The following PALM2AKAP2 variants were observed in gnomAD, a reference collection of about 807,000 sequenced individuals.
PALM2AKAP2 encodes the protein PALM2 and AKAP2 fusion, also known as PALM2-AKAP2 fusion protein.
In PALM2AKAP2, 37 loss-of-function variants were observed where a neutral mutation model predicts 71.5. The observed-to-expected ratio is 0.52, with a 90% CI of 0.40 to 0.68. The LOEUF is 0.68. Among genes scored for constraint, PALM2AKAP2 ranks in the 30% least tolerant of loss-of-function variants. The pLI, the probability that PALM2AKAP2 is intolerant of heterozygous loss-of-function variation, is 0.00. For synonymous variants in PALM2AKAP2, 468 were observed against 478.8 expected (o/e 0.98, Z 0.29); for missense variants, 1,224 against 1,191.8 (o/e 1.03, Z -0.40).
chr9:109,951,508 C>G (rs1484890838), intron 6 of PALM2AKAP2, among the ~76,000 whole-genome samples: 1 of 152,234 alleles, frequency 6.6e-6, no homozygotes, highest in Non-Finnish European at 1.5e-5. Flanking sequence ...ATTCTTTCCC[C>G]TTCTCACCTG....
chr9:109,705,735 T>C (rs1224668025), intron 1 of PALM2AKAP2, among the ~76,000 whole-genome samples: 2 of 152,218 alleles, frequency 1.3e-5, no homozygotes, highest in Non-Finnish European at 2.9e-5. Flanking sequence ...GGAGTCAGAC[T>C]ACTTGGGTTT....
At chr9:110,064,543 C>A (rs1288478610) in intron 1 of PALM2AKAP2, among the ~76,000 whole-genome samples, 1 of 152,130 alleles carries the variant, frequency 6.6e-6, no homozygotes, top group African/African-American at 2.4e-5. Context: ...GGAGTTCAAG[C>A]CTGTGTAGTT....
chr9:110,043,368 T>A lies in PALM2AKAP2; in HGVS notation c.582+27329T>A, dbSNP rs1051359885. Among the ~76,000 whole-genome samples, 4 of 152,344 alleles carry A rather than the reference T, an allele frequency of 2.6e-5. No homozygotes were observed. In the South Asian group the frequency reaches 8.3e-4, roughly 32 times the overall value. On this transcript the variant is annotated intron_variant, in intron 7 of 9. Transcript: ENST00000302798. ...TACTGACTCCTCCCCACCACTCTGG[T>A]CTTTCATCCAATTTGAGAGATTTTG...
intron 6 of PALM2AKAP2, among the ~76,000 whole-genome samples, chr9:110,008,789 G>A (rs1445224427): frequency 6.6e-6 from 1 of 152,096 alleles, no homozygotes. Flanking sequence ...CACTATCTAG[G>A]ATTGCCAGTT....
At chr9:110,047,729 A>T (rs896207176), upstream of PALM2AKAP2, among the ~76,000 whole-genome samples, 3 of 152,222 alleles carry the variant, frequency 2.0e-5, no homozygotes, top group Non-Finnish European at 4.4e-5. Flanking sequence ...CACCTACAGC[A>T]GAGTAAGACC....
At chr9:109,859,971 G>A (rs745377978) in intron 1 of PALM2AKAP2, among the ~76,000 whole-genome samples, 1 of 152,156 alleles carries the variant, frequency 6.6e-6, no homozygotes, top group African/African-American at 2.4e-5. Context: ...ACACTGCAGG[G>A]GTCTTAGCAA....
At chr9:109,930,371 G>A (rs375006426) in intron 5 of PALM2AKAP2, among the ~76,000 whole-genome samples, 4 of 152,062 alleles carry the variant, frequency 2.6e-5, no homozygotes, top group East Asian at 1.9e-4. Context: ...GACTACAGGT[G>A]CATGCCACCA....
chr9:110,096,165 T>C (rs1834830682), intron 1 of PALM2AKAP2, among the ~76,000 whole-genome samples: 2 of 152,254 alleles, frequency 1.3e-5, no homozygotes. Flanking sequence ...CAAAGGCCTC[T>C]GGCTCTGGTG....
chr9:109,858,023 A>G (rs957556556), intron 1 of PALM2AKAP2, among the ~76,000 whole-genome samples: 1 of 152,274 alleles, frequency 6.6e-6, no homozygotes, highest in Non-Finnish European at 1.5e-5. Context: ...CGTGCTAGGT[A>G]GAAAGGAAGC....
intron 3 of PALM2AKAP2, among the ~76,000 whole-genome samples, chr9:109,903,738 C>G (rs555212755): frequency 2.0e-4 from 31 of 152,206 alleles, no homozygotes; most frequent in African/African-American, 5.3e-4. Context: ...CTAGATGGCC[C>G]TCCATGTGCA....
chr9:109,768,890 T>C (rs1164882603), intron 1 of PALM2AKAP2, among the ~76,000 whole-genome samples: 2 of 152,154 alleles, frequency 1.3e-5, no homozygotes, highest in Non-Finnish European at 2.9e-5. Flanking sequence ...GAGGCCAAGG[T>C]GGGAGGATTG....
intron 6 of PALM2AKAP2, among the ~76,000 whole-genome samples, chr9:109,984,296 T>G (rs1425363049): frequency 6.6e-6 from 1 of 152,162 alleles, no homozygotes; most frequent in Non-Finnish European, 1.5e-5. Flanking sequence ...ATATTTTATT[T>G]CCATAGAAAA....
rs549183325 is a variant in PALM2AKAP2 at position 109,832,928 on chromosome 9, T to G, written c.46-34563T>G. Among the ~76,000 whole-genome samples, 3 of 152,332 alleles carry G rather than the reference T, an allele frequency of 2.0e-5. No individual in the cohort carries two copies. The South Asian group carries it at 6.2e-4, about 32-fold the overall frequency. ...ATGGTTGCACTTGGACATATACTACTCTAGGCCTTTGGGCTCCTTTCGTCC... is the reference window on the plus strand; with the variant it reads ...ATGGTTGCACTTGGACATATACTACGCTAGGCCTTTGGGCTCCTTTCGTCC... On this transcript the variant is annotated intron_variant, in intron 1 of 9. Transcript: ENST00000302798.
At chr9:110,084,377 A>G (rs184801426) in intron 1 of PALM2AKAP2, among the ~76,000 whole-genome samples, 1 of 152,248 alleles carries the variant, frequency 6.6e-6, no homozygotes, top group Non-Finnish European at 1.5e-5. Context: ...CCATTAAATT[A>G]TCATTCTCCA....
At chr9:110,096,569 G>T (rs1057025607) in intron 1 of PALM2AKAP2, among the ~76,000 whole-genome samples, 1 of 152,140 alleles carries the variant, frequency 6.6e-6, no homozygotes, top group Non-Finnish European at 1.5e-5. Flanking sequence ...GCCTGGCCTT[G>T]GCTCTTTCTT....
At chr9:109,869,875 G>A (rs1389477779) in intron 2 of PALM2AKAP2, among the ~76,000 whole-genome samples, 2 of 152,214 alleles carry the variant, frequency 1.3e-5, no homozygotes, top group African/African-American at 2.4e-5. Flanking sequence ...AGGGCAGGAG[G>A]TGGGTGAGGT....
intron 5 of PALM2AKAP2, among the ~76,000 whole-genome samples, chr9:109,927,055 A>G (rs1252004083): frequency 2.6e-5 from 4 of 152,132 alleles, no homozygotes; most frequent in African/African-American, 7.2e-5. Context: ...AGAGGATGCA[A>G]AAGTCTTAGG....
chr9:110,064,534 G>A (rs1048535268), intron 1 of PALM2AKAP2, among the ~76,000 whole-genome samples: 13 of 152,332 alleles, frequency 8.5e-5, no homozygotes, highest in South Asian at 8.3e-4. Context: ...TTGAAGCCAG[G>A]AGTTCAAGCC....
intron 1 of PALM2AKAP2, among the ~76,000 whole-genome samples, chr9:109,804,808 A>G (rs1478672899): frequency 6.6e-6 from 1 of 152,214 alleles, no homozygotes; most frequent in Admixed American, 6.5e-5. Flanking sequence ...AAAACAGTGG[A>G]AAGAATAAAA....
Sources: gnomAD v4.1 joint callset for allele counts (sites outside exome capture counted in the v4.1 genomes callset) on GRCh38, gnomAD v4.1.1 for gene constraint, MANE v1.5 for transcripts, NCBI Gene and HGNC (gene_info 2026-07-23, HGNC 2026-07-21) for gene names.